Variants in PDE3A observed in about 807,000 individuals in gnomAD.
PDE3A encodes the protein cGMP-inhibited 3',5'-cyclic phosphodiesterase 3A.
In PDE3A, 43 loss-of-function variants were observed where a neutral mutation model predicts 98.3. The observed-to-expected ratio is 0.44, with a 90% CI of 0.34 to 0.56. The LOEUF is 0.56. Among genes scored for constraint, PDE3A ranks in the 20% least tolerant of loss-of-function variants. The probability of loss-of-function intolerance (pLI) is 0.01; values close to 1 mark genes in which losing one functional copy is unlikely to be tolerated. For missense variants in PDE3A, 1,427 were observed against 1,440.7 expected, an observed-to-expected ratio of 0.99 and a Z score of 0.15; for synonymous variants, 663 against 567.9, an observed-to-expected ratio of 1.17 and a Z score of -2.38.
chr12:20,606,068 T>G (rs552668312), intron 2 of PDE3A, among the ~76,000 whole-genome samples: 2 of 152,232 alleles, frequency 1.3e-5, no homozygotes, highest in Non-Finnish European at 2.9e-5. Flanking sequence ...ATTATCTTCA[T>G]CTACACCCCA....
chr12:20,589,386 T>C (rs1943269979), intron 2 of PDE3A, among the ~76,000 whole-genome samples: 3 of 152,170 alleles, frequency 2.0e-5, no homozygotes, highest in Admixed American at 2.0e-4. Flanking sequence ...GGTAAGTAAA[T>C]TGACATATTA....
intron 1 of PDE3A, among the ~76,000 whole-genome samples, chr12:20,502,218 C>A (rs1946037638): frequency 6.6e-6 from 1 of 152,060 alleles, no homozygotes; most frequent in East Asian, 1.9e-4. Flanking sequence ...ATTAGCAGGT[C>A]TAGGAAAGAG....
Position 20,508,154 on chromosome 12 carries a change from T to G in PDE3A, c.961-48506T>G, listed in dbSNP as rs371722298. Among the ~76,000 whole-genome samples the G allele has an allele frequency of 2.8e-3, 427 of 152,150 alleles. 1 individual carries two copies. The highest frequency in any genetic ancestry group is 9.9e-3 in the African/African-American group (412 of 41,530). On this transcript the variant is annotated intron_variant, in intron 1 of 15. Coordinates refer to ENST00000359062, the MANE Select transcript of PDE3A (RefSeq NM_000921.5). ...GGCACATTCTCATTGCACTGGCTGT[T>G]TTCTTTGCCTGGACCACTTTGTCCC...
chr12:20,603,598 C>T (rs1943645249), intron 2 of PDE3A, among the ~76,000 whole-genome samples: 1 of 151,968 alleles, frequency 6.6e-6, no homozygotes, highest in Non-Finnish European at 1.5e-5. Context: ...AATCATATCT[C>T]TGTGCTATCT....
chr12:20,412,995 A>G (rs1591904050), intron 1 of PDE3A, among the ~76,000 whole-genome samples: 1 of 152,258 alleles, frequency 6.6e-6, no homozygotes, highest in Non-Finnish European at 1.5e-5. Flanking sequence ...AATCAGTTCA[A>G]TAATGAGGCA....
intron 1 of PDE3A, among the ~76,000 whole-genome samples, chr12:20,537,176 A>G (rs1008189480): frequency 7.9e-5 from 12 of 152,038 alleles, no homozygotes; most frequent in African/African-American, 2.9e-4. Flanking sequence ...CTTCTCATGT[A>G]CTTGATGACC....
intron 1 of PDE3A, among the ~76,000 whole-genome samples, chr12:20,425,073 A>C (rs899533279): frequency 2.0e-5 from 3 of 152,346 alleles, no homozygotes; most frequent in Non-Finnish European, 2.9e-5. Flanking sequence ...ACAAAAGAAC[A>C]TGTTTTTAGA....
intron 2 of PDE3A, among the ~76,000 whole-genome samples, chr12:20,559,321 A>G (rs968324871): frequency 6.6e-6 from 1 of 151,970 alleles, no homozygotes; most frequent in Non-Finnish European, 1.5e-5. Flanking sequence ...AGTATACTCT[A>G]TGATGTTCCC....
At chr12:20,672,612 T>G (rs1945516406) in intron 15 of PDE3A, among the ~76,000 whole-genome samples, 1 of 139,286 alleles carries the variant, frequency 7.2e-6, no homozygotes, top group African/African-American at 2.7e-5. Flanking sequence ...GATTCCCTAT[T>G]TAATAAATGG....
chr12:20,608,379 ATAT>A (rs1943765970), intron 2 of PDE3A, among the ~76,000 whole-genome samples: 1 of 80,324 alleles, frequency 1.2e-5, no homozygotes, highest in South Asian at 4.4e-4. Context: ...GATACTAAGG[ATAT>A]TTTTTTTTTC....
At chr12:20,449,244 G>A (rs568781513) in intron 1 of PDE3A, among the ~76,000 whole-genome samples, 32 of 152,258 alleles carry the variant, frequency 2.1e-4, no homozygotes, top group African/African-American at 7.5e-4. Flanking sequence ...TCGTGATTCT[G>A]CCTTTTGATG....
At chr12:20,547,902 T>C (rs1407095346) in intron 1 of PDE3A, among the ~76,000 whole-genome samples, 2 of 152,138 alleles carry the variant, frequency 1.3e-5, no homozygotes, top group Non-Finnish European at 2.9e-5. Flanking sequence ...TCTGCTTGGA[T>C]AGAACCTTTT....
At position 20,680,047 on chromosome 12, in the gene PDE3A, A is replaced by G. The variant is rs550166528; in HGVS notation, c.3202A>G (p.Arg1068Gly). 3 of 1,599,874 alleles carry G rather than the reference A, an allele frequency of 1.9e-6. No individual in the cohort carries two copies. The highest frequency in any genetic ancestry group is 2.6e-6 in the Non-Finnish European group (3 of 1,169,370). Reference protein sequence around the residue: ...NESPKKKTFKRRKIYCQITQH... With the variant: ...NESPKKKTFKGRKIYCQITQH... The stretch of plus-strand genomic sequence containing the variant: ...TATTTTAGAAAAGAAGACTTTCAAA[A>G]GGAGAAAAATCTACTGCCAAATAAC... The change falls in exon 16 of 16, where the codon AGG becomes GGG. Residue 1068 changes from arginine (R) to glycine (G), a missense_variant. Coordinates refer to ENST00000359062, the MANE Select transcript of PDE3A (RefSeq NM_000921.5).
intron 15 of PDE3A, among the ~76,000 whole-genome samples, chr12:20,674,089 T>A (rs1380670711): frequency 6.6e-6 from 1 of 152,174 alleles, no homozygotes; most frequent in Non-Finnish European, 1.5e-5. Context: ...GTAAAAGGGA[T>A]TGCCTTCTTA....
intron 1 of PDE3A, among the ~76,000 whole-genome samples, chr12:20,441,707 T>C (rs1276593020): frequency 6.6e-6 from 1 of 152,202 alleles, no homozygotes; most frequent in Non-Finnish European, 1.5e-5. Context: ...CTGTAAGCTG[T>C]GGTCACTCAC....
intron 1 of PDE3A, among the ~76,000 whole-genome samples, chr12:20,464,082 A>AGTG (rs551497025): frequency 2.4e-4 from 36 of 152,180 alleles, no homozygotes; most frequent in Non-Finnish European, 4.7e-4. Flanking sequence ...TTAGGCTCAC[A>AGTG]GTTCATTTTA....
intron 1 of PDE3A, among the ~76,000 whole-genome samples, chr12:20,425,007 A>G (rs1944580527): frequency 1.3e-5 from 2 of 152,230 alleles, no homozygotes; most frequent in Non-Finnish European, 1.5e-5. Context: ...GTAGCACTTC[A>G]TCTTAGGCAA....
chr12:20,650,625 C>T, intron 14 of PDE3A, 25 bp downstream of exon 14: 1 of 1,490,448 alleles, frequency 6.7e-7, no homozygotes, highest in Non-Finnish European at 9.3e-7. Flanking sequence ...TTTAATACAG[C>T]TTAATCTGTA....
chr12:20,573,699 G>GT (rs1028632527), intron 2 of PDE3A, among the ~76,000 whole-genome samples: 4 of 151,818 alleles, frequency 2.6e-5, no homozygotes, highest in Non-Finnish European at 4.4e-5. Context: ...TCAAAATTCA[G>GT]TTTTTTTATA....
Sources: gnomAD v4.1 joint callset for allele counts (sites outside exome capture counted in the v4.1 genomes callset) on GRCh38, gnomAD v4.1.1 for gene constraint, MANE v1.5 for transcripts, NCBI Gene and HGNC (gene_info 2026-07-23, HGNC 2026-07-21) for gene names.